DGKI: variants seen among roughly 807,000 people sequenced by gnomAD.
DGKI encodes the protein diacylglycerol kinase iota.
A neutral mutation model predicts 147.5 loss-of-function variants in DGKI; 55 were observed. The ratio of observed to expected loss-of-function variants is 0.37; its 90% CI spans 0.30 to 0.47. The LOEUF (loss-of-function observed/expected upper bound fraction) is 0.47, where lower values mean the gene tolerates loss of function less well. Ranked by LOEUF, DGKI falls within the 20% of genes least tolerant of loss-of-function variation. The pLI is 1.00. For missense variants in DGKI, 1,007 were observed against 1,323.8 expected (o/e 0.76, Z 3.71); for synonymous variants, 469 against 477.1 (o/e 0.98, Z 0.22).
chr7:137,662,459 G>T (rs1445499549), intron 3 of DGKI, among the ~76,000 whole-genome samples: 1 of 152,042 alleles, frequency 6.6e-6, no homozygotes, highest in Non-Finnish European at 1.5e-5. Flanking sequence ...TAGCCGGGAT[G>T]GTCTCGATCT....
rs1156891729 is a variant in DGKI at position 137,618,151 on chromosome 7, A to AT, written c.993+1672dup. Among the ~76,000 whole-genome samples the AT allele has an allele frequency of 5.8e-3, 61 of 10,462 alleles. 4 individuals are homozygous for AT. Among genetic ancestry groups the AT allele is most frequent in the Non-Finnish European group, 0.013 (22 of 1,646 alleles). The allele number at this position is 10,462 out of a possible 152,430, so 6.9% of individuals were successfully genotyped here. ...ACTATATATATATATATATATATAT[A>AT]TTTTTTTTTTTTTACTCTATCATTC... On this transcript the variant is annotated intron_variant, in intron 8 of 32. Coordinates refer to ENST00000614521, the MANE Select transcript of DGKI (RefSeq NM_001321708.2).
intron 3 of DGKI, among the ~76,000 whole-genome samples, chr7:137,658,323 C>T (rs1350282206): frequency 1.3e-5 from 2 of 152,134 alleles, no homozygotes; most frequent in Non-Finnish European, 2.9e-5. Context: ...CTTCTGTTTC[C>T]TATGGATATC....
chr7:137,454,167 A>C (rs747354258), intron 27 of DGKI, among the ~76,000 whole-genome samples: 1 of 152,226 alleles, frequency 6.6e-6, no homozygotes, highest in Non-Finnish European at 1.5e-5. Context: ...GATGTAATGC[A>C]TTCATTGATC....
chr7:137,640,867 AG>A (rs1215747815), intron 6 of DGKI, among the ~76,000 whole-genome samples: 1 of 152,252 alleles, frequency 6.6e-6, no homozygotes, highest in Non-Finnish European at 1.5e-5. Context: ...TAATAAACAC[AG>A]CATGCTATTT....
At chr7:137,443,695 G>A (rs770927389) in intron 28 of DGKI, among the ~76,000 whole-genome samples, 1 of 152,152 alleles carries the variant, frequency 6.6e-6, no homozygotes, top group Non-Finnish European at 1.5e-5. Context: ...TTCTGGAAGG[G>A]ACTGTAGGGA....
intron 1 of DGKI, among the ~76,000 whole-genome samples, chr7:137,717,177 C>T (rs1794403479): frequency 6.6e-6 from 1 of 152,126 alleles, no homozygotes; most frequent in African/African-American, 2.4e-5. Flanking sequence ...GAAATGTTGC[C>T]CTGTACACAG....
chr7:137,464,737 A>T (rs976058635), intron 26 of DGKI, among the ~76,000 whole-genome samples: 1 of 152,272 alleles, frequency 6.6e-6, no homozygotes, highest in Non-Finnish European at 1.5e-5. Flanking sequence ...AGTGAAAAAA[A>T]GTAAATCAAG....
At chr7:137,532,523 G>A (rs889783205) in intron 20 of DGKI, among the ~76,000 whole-genome samples, 1 of 152,132 alleles carries the variant, frequency 6.6e-6, no homozygotes, top group African/African-American at 2.4e-5. Context: ...TGCTTGCCAA[G>A]GTCCTCAATC....
chr7:137,681,109 G>C (rs750604516), intron 2 of DGKI, among the ~76,000 whole-genome samples: 4 of 152,164 alleles, frequency 2.6e-5, no homozygotes, highest in African/African-American at 7.2e-5. Context: ...AGACCCTGGT[G>C]GTAGGAGTGC....
intron 27 of DGKI, among the ~76,000 whole-genome samples, chr7:137,453,734 A>C (rs940838255): frequency 6.6e-6 from 1 of 152,164 alleles, no homozygotes; most frequent in South Asian, 2.1e-4. Context: ...AAGAAGACAG[A>C]GATGAGCATT....
intron 28 of DGKI, among the ~76,000 whole-genome samples, chr7:137,439,550 ATGATTCAAT>A (rs1297720255): frequency 3.3e-5 from 5 of 152,210 alleles, no homozygotes; most frequent in African/African-American, 4.8e-5. Context: ...AAACTGCTCC[ATGATTCAAT>A]TATCTCTACC....
At chr7:137,831,179 C>A (rs1035129295) in intron 1 of DGKI, among the ~76,000 whole-genome samples, 1 of 152,224 alleles carries the variant, frequency 6.6e-6, no homozygotes, top group Non-Finnish European at 1.5e-5. Flanking sequence ...CAAGCAGAGG[C>A]TGCTGGGCCA....
chr7:137,509,181 T>A (rs1816490262), intron 21 of DGKI, among the ~76,000 whole-genome samples: 1 of 152,174 alleles, frequency 6.6e-6, no homozygotes, highest in South Asian at 2.1e-4. Context: ...CCCCACAACA[T>A]CCTCCAGTAC....
At chr7:137,617,413 TA>T (rs910728808) in intron 8 of DGKI, among the ~76,000 whole-genome samples, 1 of 151,852 alleles carries the variant, frequency 6.6e-6, no homozygotes, top group African/African-American at 2.4e-5. Context: ...TGAAAAACAG[TA>T]AAAAAAGATA....
intron 30 of DGKI, 34 bp from the exon 31 acceptor site, chr7:137,397,447 A>C: frequency 6.2e-7 from 1 of 1,605,460 alleles, no homozygotes; most frequent in Non-Finnish European, 8.5e-7. Flanking sequence ...ACCGTCAAAA[A>C]TAAGCTCAAA....
chr7:137,444,219 G>C, intron 27 of DGKI, 117 bp from the exon 28 acceptor site: 3 of 627,632 alleles, frequency 4.8e-6, no homozygotes, highest in South Asian at 2.3e-5. Context: ...CAATATAGTA[G>C]ACAGTGTAAT....
At chr7:137,484,325 T>C (rs546668251) in intron 23 of DGKI, among the ~76,000 whole-genome samples, 1 of 152,054 alleles carries the variant, frequency 6.6e-6, no homozygotes. Flanking sequence ...AAATTGGAAA[T>C]TTCAGGCATG....
At chr7:137,539,107 C>A (rs1478094444) in intron 20 of DGKI, among the ~76,000 whole-genome samples, 1 of 152,162 alleles carries the variant, frequency 6.6e-6, no homozygotes, top group Admixed American at 6.5e-5. Context: ...CTATTTCTGG[C>A]AGCCGCAATG....
At chr7:137,406,548 A>C (rs1016453652) in intron 30 of DGKI, among the ~76,000 whole-genome samples, 3 of 152,126 alleles carry the variant, frequency 2.0e-5, no homozygotes, top group Non-Finnish European at 2.9e-5. Flanking sequence ...TTCAAGCAGA[A>C]TCTTCACAGT....
Sources: allele counts gnomAD v4.1 joint callset (sites outside exome capture counted in the v4.1 genomes callset), GRCh38; gene constraint gnomAD v4.1.1; transcripts MANE v1.5; gene names NCBI Gene and HGNC (gene_info 2026-07-23, HGNC 2026-07-21).